The following C12orf42 variants were observed in gnomAD, a reference collection of about 807,000 sequenced individuals.
C12orf42 encodes the protein chromosome 12 open reading frame 42.
Under a neutral mutation model 21.6 loss-of-function variants are expected in C12orf42, and 25 were observed. The observed-to-expected ratio is 1.16, with a 90% CI of 0.84 to 1.62. The LOEUF is 1.62. Among genes scored for constraint, C12orf42 ranks in the 40% most tolerant of loss-of-function variants. The pLI is 0.00. For synonymous variants in C12orf42, 174 were observed against 175.0 expected (o/e 0.99, Z 0.05); for missense variants, 483 against 459.3 (o/e 1.05, Z -0.47).
Position 103,306,058 on chromosome 12 carries a change from C to T in C12orf42, c.547G>A (p.Val183Ile), listed in dbSNP as rs775024106. 20 of 1,613,822 alleles carry T rather than the reference C, an allele frequency of 1.2e-5. No homozygotes were observed. In the East Asian group the frequency reaches 2.9e-4, roughly 23 times the overall value. ...KPNWAHSVNP[V>I]HLEAQGIHIS... Reference sequence around the variant, plus strand: ...TGTATGCCCTGAGCCTCCAGGTGAACAGGATTTACTGAGTGTGCCCAGTTA... The same window carrying T: ...TGTATGCCCTGAGCCTCCAGGTGAATAGGATTTACTGAGTGTGCCCAGTTA... Residue 183 changes from valine to isoleucine, a missense_variant, in exon 5 of 6, where the codon GTT (valine) becomes ATT (isoleucine). Physicochemically the swap from Val to Ile is conservative, Grantham distance 29. Transcript: ENST00000548883.
intron 4 of C12orf42, among the ~76,000 whole-genome samples, chr12:103,359,255 T>C (rs1046817746): frequency 6.6e-6 from 1 of 152,206 alleles, no homozygotes; most frequent in East Asian, 1.9e-4. Flanking sequence ...ATCTGGTTCA[T>C]TGAAGTGTAA....
At chr12:103,131,206 T>G in the C12orf42 span, among the ~76,000 whole-genome samples, 1 of 152,158 alleles carries the variant, frequency 6.6e-6, no homozygotes, top group Non-Finnish European at 1.5e-5. Flanking sequence ...AGACTAAAAT[T>G]TCCTGAATTA....
intron 4 of C12orf42, among the ~76,000 whole-genome samples, chr12:103,280,970 C>T (rs2036078174): frequency 6.6e-6 from 1 of 152,186 alleles, no homozygotes; most frequent in Non-Finnish European, 1.5e-5. Context: ...ACTAACCCAA[C>T]CTTGCTGGAG....
At chr12:103,277,975 A>C (rs142843016) in intron 4 of C12orf42, among the ~76,000 whole-genome samples, 376 of 152,332 alleles carry the variant, frequency 2.5e-3, no homozygotes, top group African/African-American at 8.8e-3. Context: ...AAGTTGAAGA[A>C]TAAATCACAT....
chr12:103,432,541 A>G (rs1029426467), intron 2 of C12orf42, among the ~76,000 whole-genome samples: 3 of 152,160 alleles, frequency 2.0e-5, no homozygotes, highest in African/African-American at 4.8e-5. Flanking sequence ...TCTGCTCTCT[A>G]AAGAGGCTTG....
chr12:103,247,817 C>CTGTT (rs1254819027), intron 10 of C12orf42, among the ~76,000 whole-genome samples: 1 of 152,032 alleles, frequency 6.6e-6, no homozygotes, highest in African/African-American at 2.4e-5. Flanking sequence ...CATAATTGAA[C>CTGTT]TGTTTAAGAC....
the C12orf42 span, among the ~76,000 whole-genome samples, chr12:103,143,880 T>C: frequency 6.6e-6 from 1 of 152,374 alleles, no homozygotes; most frequent in Non-Finnish European, 1.5e-5. Flanking sequence ...TGGATTTTTA[T>C]ATCTCTAGTC....
the C12orf42 span, among the ~76,000 whole-genome samples, chr12:103,049,368 G>A: frequency 5.3e-5 from 8 of 152,190 alleles, no homozygotes; most frequent in South Asian, 8.3e-4. Context: ...AAGTCCTCTT[G>A]ATTCTGTCTT....
the C12orf42 span, among the ~76,000 whole-genome samples, chr12:103,174,259 C>A: frequency 6.6e-6 from 1 of 152,136 alleles, no homozygotes; most frequent in African/African-American, 2.4e-5. Context: ...TATGGCAGAG[C>A]CCTTACTTGG....
the C12orf42 span, chr12:103,557,569 C>T: frequency 2.0e-5 from 3 of 152,260 alleles, no homozygotes; most frequent in South Asian, 4.2e-4. Context: ...CAGGAGTATC[C>T]CTCAAGCAGT....
At chr12:103,152,431 T>C in the C12orf42 span, among the ~76,000 whole-genome samples, 871 of 152,310 alleles carry the variant, frequency 5.7e-3, 9 homozygotes, top group African/African-American at 0.02. Flanking sequence ...AGATCAGGAA[T>C]GCATTTTCAC....
chr12:103,371,071 T>C (rs1232711916), intron 3 of C12orf42, among the ~76,000 whole-genome samples: 5 of 152,138 alleles, frequency 3.3e-5, no homozygotes, highest in African/African-American at 7.2e-5. Context: ...TATTTGGATA[T>C]TGTGAATATT....
chr12:103,350,080 A>C (rs898187490), intron 4 of C12orf42, among the ~76,000 whole-genome samples: 2 of 152,156 alleles, frequency 1.3e-5, no homozygotes, highest in East Asian at 3.8e-4. Flanking sequence ...ATTTAGGAAG[A>C]TAAGATAATG....
At chr12:103,287,124 A>C in intron 4 of C12orf42, among the ~76,000 whole-genome samples, 1 of 152,230 alleles carries the variant, frequency 6.6e-6, no homozygotes, top group Non-Finnish European at 1.5e-5. Flanking sequence ...AACTAGTTCA[A>C]CCATTGTGGA....
the C12orf42 span, among the ~76,000 whole-genome samples, chr12:103,527,754 C>T: frequency 6.6e-6 from 1 of 152,186 alleles, no homozygotes; most frequent in Non-Finnish European, 1.5e-5. Flanking sequence ...GGATTTCACC[C>T]CTCCTCAAGA....
intron 2 of C12orf42, among the ~76,000 whole-genome samples, chr12:103,428,231 T>C (rs1433056849): frequency 2.0e-5 from 3 of 151,548 alleles, no homozygotes; most frequent in South Asian, 2.1e-4. Context: ...GCCAGACTAA[T>C]AAAGAAGAAA....
intron 2 of C12orf42, among the ~76,000 whole-genome samples, chr12:103,403,271 G>C (rs1161775226): frequency 6.6e-6 from 1 of 151,944 alleles, no homozygotes; most frequent in African/African-American, 2.4e-5. Flanking sequence ...AGCTGCTCCG[G>C]AGGCTGAGGC....
chr12:103,237,961 A>G (rs2033528050), intron 10 of C12orf42: 1 of 152,220 alleles, frequency 6.6e-6, no homozygotes, highest in Admixed American at 6.5e-5. Context: ...ATGCAACATC[A>G]CACTGCAATG....
At chr12:103,431,028 G>A (rs1950224531) in intron 2 of C12orf42, among the ~76,000 whole-genome samples, 1 of 151,928 alleles carries the variant, frequency 6.6e-6, no homozygotes, top group South Asian at 2.1e-4. Flanking sequence ...CGAGTTGATG[G>A]GTGCAGCAAA....
Sources: gnomAD v4.1 joint callset for allele counts (sites outside exome capture counted in the v4.1 genomes callset) on GRCh38, gnomAD v4.1.1 for gene constraint, MANE v1.5 for transcripts, NCBI Gene and HGNC (gene_info 2026-07-23, HGNC 2026-07-21) for gene names.